The following CNTRL variants were observed in gnomAD, a reference collection of about 807,000 sequenced individuals.
CNTRL encodes the protein centriolin, also known as 110 kDa centrosomal protein.
A neutral mutation model predicts 303.7 loss-of-function variants in CNTRL; 233 were observed. The ratio of observed to expected loss-of-function variants is 0.77; its 90% CI spans 0.69 to 0.86. The LOEUF is 0.86. CNTRL is among the 40% of genes least tolerant of loss of function. The pLI, the probability that CNTRL is intolerant of heterozygous loss-of-function variation, is 0.00. For missense variants in CNTRL, 2,524 were observed against 2,650.6 expected (o/e 0.95, Z 1.05); for synonymous variants, 900 against 922.2 (o/e 0.98, Z 0.44).
At chr9:121,082,004 C>G (rs568332723) in intron 2 of CNTRL, among the ~76,000 whole-genome samples, 2 of 152,228 alleles carry the variant, frequency 1.3e-5, no homozygotes, top group Non-Finnish European at 2.9e-5. Flanking sequence ...GAAAGACACT[C>G]TTATCACTGT....
chr9:121,164,643 T>G (rs1307046377), intron 34 of CNTRL, among the ~76,000 whole-genome samples: 2 of 152,248 alleles, frequency 1.3e-5, no homozygotes, highest in Admixed American at 6.5e-5. Context: ...CACAATTGTT[T>G]TCTACTCTTT....
chr9:121,128,623 T>C (rs1005858490), intron 14 of CNTRL, among the ~76,000 whole-genome samples: 14 of 152,262 alleles, frequency 9.2e-5, no homozygotes, highest in Non-Finnish European at 1.6e-4. Context: ...TTTCTTTTGC[T>C]GTGCAGAAGC....
chr9:121,115,051 C>G, intron 10 of CNTRL, 40 bp from the exon 11 acceptor site: 1 of 1,230,128 alleles, frequency 8.1e-7, no homozygotes, highest in Non-Finnish European at 1.2e-6. Context: ...CAAGATTTTT[C>G]TTGTTTCATA....
chr9:121,115,341 T>TTC, intron 11 of CNTRL, 141 bp downstream of exon 11: 1 of 491,154 alleles, frequency 2.0e-6, no homozygotes, highest in Non-Finnish European at 3.6e-6. Context: ...TCAAATATGG[T>TTC]TCTAGAATTT....
Position 121,158,006 on chromosome 9 carries a change from T to C in CNTRL, c.4661T>C (p.Ile1554Thr), listed in dbSNP as rs200841631. 243 of 1,613,850 alleles carry C rather than the reference T, an allele frequency of 1.5e-4. No homozygotes were observed. Among genetic ancestry groups the C allele is most frequent in the Admixed American group, 3.2e-4 (19 of 59,976 alleles). ...TEELQKLQKD[I>T]EMAERNEDHH... ...AGGCTTCAGAAACTACAGAAAGACA[T>C]AGAGATGGCAGAACGCAATGAGGAT... Residue 1554 changes from isoleucine (I) to threonine (T), a missense_variant, in exon 30 of 44, where the codon ATA (isoleucine) becomes ACA (threonine). Ile to Thr is a moderately conservative substitution (Grantham distance 89). Transcript: ENST00000373855.
At chr9:121,109,110 G>A (rs935222542) in intron 8 of CNTRL, among the ~76,000 whole-genome samples, 1 of 152,064 alleles carries the variant, frequency 6.6e-6, no homozygotes, top group Non-Finnish European at 1.5e-5. Flanking sequence ...ATGTAAAATG[G>A]TGTAGTATTT....
chr9:121,137,308 A>G (rs1704549977), intron 15 of CNTRL, among the ~76,000 whole-genome samples: 1 of 152,178 alleles, frequency 6.6e-6, no homozygotes, highest in Non-Finnish European at 1.5e-5. Context: ...AAAGGTATTT[A>G]TCATGCATAT....
In CNTRL at chr9:121,173,272, A is replaced by G; in HGVS notation, c.6447A>G (p.Arg2149=). The G allele has an allele frequency of 6.2e-7, 1 of 1,612,298 alleles. No homozygotes were observed. The highest frequency in any genetic ancestry group is 1.1e-5 in the South Asian group (1 of 90,620). ...CAAACCAAAAAGATTTGGAGAGAAG[A>G]CAAATGGAAATCAGTGATGCAATGA... ...QMANQKDLER[R]QMEISDAMRT... Residue 2149 remains arginine, a synonymous_variant, in exon 41 of 44, where the codon AGA becomes AGG. Coordinates refer to ENST00000373855, the MANE Select transcript of CNTRL (RefSeq NM_007018.6).
In CNTRL at chr9:121,159,113, T is replaced by C. The variant is rs79269187; in HGVS notation, c.4929+94T>C. 7.9e-3 allele frequency: 10,080 copies of C among 1,283,692 alleles called. 62 individuals carry two copies. Among genetic ancestry groups the C allele is most frequent in the Non-Finnish European group, 0.01 (9,444 of 925,378 alleles). 79.5% of individuals were successfully genotyped at this position (1,283,692 alleles called of 1,614,324 possible). A position where few individuals can be genotyped will look rare whatever the true frequency, so the allele number is the denominator to read the frequency against. ...CATTGCTTCTCCCCAAATGAAAATA[T>C]AAATTCCTGAAATCTTGCCTCCTCT... On this transcript the variant is annotated intron_variant, in intron 31 of 43. Coordinates refer to ENST00000373855, the MANE Select transcript of CNTRL (RefSeq NM_007018.6).
At position 121,173,528 on chromosome 9, in the gene CNTRL, A is replaced by C. The variant is rs1157291438; in HGVS notation, c.6684+19A>C. The C allele has an allele frequency of 6.2e-7, 1 of 1,611,868 alleles. No individual in the cohort carries two copies. The highest frequency in any genetic ancestry group is 1.7e-5 in the Admixed American group (1 of 59,714). On this transcript the variant is annotated intron_variant, in intron 41 of 43. Coordinates refer to ENST00000373855, the MANE Select transcript of CNTRL (RefSeq NM_007018.6). ...CATAATGGTAAGGGTTTATCCTGCT[A>C]TTCTCTGGGTTCGTAGGATTGACCA...
At chr9:121,125,349 C>T (rs764319222) in intron 13 of CNTRL, among the ~76,000 whole-genome samples, 19 of 151,704 alleles carry the variant, frequency 1.3e-4, no homozygotes, top group Non-Finnish European at 1.8e-4. Context: ...TTAATAGAGA[C>T]GGGGTTTCAC....
chr9:121,090,462 A>C (rs1300988425), intron 4 of CNTRL, 57 bp downstream of exon 4: 2 of 1,501,210 alleles, frequency 1.3e-6, no homozygotes, highest in East Asian at 2.3e-5. Context: ...CTGTGCTTTA[A>C]TACTGCGAAA....
intron 14 of CNTRL, among the ~76,000 whole-genome samples, chr9:121,131,400 G>A (rs148608447): frequency 4.3e-4 from 65 of 152,076 alleles, no homozygotes; most frequent in Non-Finnish European, 7.5e-4. Context: ...CTTCTTTGTC[G>A]CTTTTGATCT....
Position 121,090,369 on chromosome 9 carries a change from C to G in CNTRL, c.312C>G (p.Asn104Lys). ...ATTTGGCTTTGATAAAATCTCTGAA[C>G]CTTTCACTTTCTAAAGACGGTGGCA... ...QDNLALIKSL[N>K]LSLSKDGGKK... The change falls in exon 4 of 44, where the codon AAC becomes AAG. Residue 104 changes from asparagine (N) to lysine (K), a missense_variant. By Grantham distance (94) the Asn-to-Lys change is moderately conservative (BLOSUM62 0). Coordinates refer to ENST00000373855, the MANE Select transcript of CNTRL (RefSeq NM_007018.6). The G allele has an allele frequency of 6.2e-7, 1 of 1,612,254 alleles. No individual in the cohort carries two copies. Among genetic ancestry groups the G allele is most frequent in the Non-Finnish European group, 8.5e-7 (1 of 1,179,248 alleles).
intron 37 of CNTRL, 140 bp downstream of exon 37, chr9:121,167,817 C>T (rs895988451): frequency 9.6e-6 from 7 of 730,780 alleles, no homozygotes; most frequent in Non-Finnish European, 1.6e-5. Flanking sequence ...CCATGGGTGG[C>T]ATTTATACCA....
intron 15 of CNTRL, among the ~76,000 whole-genome samples, chr9:121,138,095 C>T (rs953930526): frequency 6.6e-6 from 1 of 152,152 alleles, no homozygotes; most frequent in Admixed American, 6.5e-5. Flanking sequence ...TCCTTGGCCC[C>T]ACCCACTCTA....
At chr9:121,167,038 A>G (rs887094737) in intron 36 of CNTRL, among the ~76,000 whole-genome samples, 1 of 148,544 alleles carries the variant, frequency 6.7e-6, no homozygotes, top group South Asian at 2.2e-4. Flanking sequence ...AAAAAAAGTT[A>G]ACATTAGACA....
rs1332353747 is a variant in CNTRL at position 121,162,282 on chromosome 9, G to A, written c.5423+11G>A. 1.4e-5 allele frequency: 22 copies of A among 1,605,856 alleles called. No individual in the cohort carries two copies. Among genetic ancestry groups the A allele is most frequent in the Non-Finnish European group, 1.5e-5 (18 of 1,172,906 alleles). On this transcript the variant is annotated intron_variant, in intron 34 of 43. Coordinates refer to ENST00000373855, the MANE Select transcript of CNTRL (RefSeq NM_007018.6). ...GGCACAAACCAAAAGGTGAGAGCAA[G>A]AACAAATAAGCTTGCAGGATCACTT...
intron 7 of CNTRL, among the ~76,000 whole-genome samples, chr9:121,105,416 A>G (rs1308496723): frequency 6.6e-6 from 1 of 152,234 alleles, no homozygotes; most frequent in Non-Finnish European, 1.5e-5. Context: ...TTTAGGACAT[A>G]TTCAGTTTGA....
Sources: gnomAD v4.1 joint callset for allele counts (sites outside exome capture counted in the v4.1 genomes callset) on GRCh38, gnomAD v4.1.1 for gene constraint, MANE v1.5 for transcripts, NCBI Gene and HGNC (gene_info 2026-07-23, HGNC 2026-07-21) for gene names.